Variants in TENM1 observed in about 807,000 individuals in gnomAD.
TENM1 encodes the protein teneurin-1.
Under a neutral mutation model 174.8 loss-of-function variants are expected in TENM1, and 35 were observed. That is an observed-to-expected ratio of 0.20 (90% CI 0.15 to 0.27). The LOEUF (loss-of-function observed/expected upper bound fraction) is 0.27, where lower values mean the gene tolerates loss of function less well. Among genes scored for constraint, TENM1 ranks in the 10% least tolerant of loss-of-function variants. The pLI is 1.00. For synonymous variants in TENM1, 781 were observed against 798.7 expected, an observed-to-expected ratio of 0.98 and a Z score of 0.37; for missense variants, 1,633 against 2,130.1, an observed-to-expected ratio of 0.77 and a Z score of 4.59.
At chrX:125,045,893 C>T in the TENM1 span, among the ~76,000 whole-genome samples, 1 of 111,537 alleles carries the variant, frequency 9.0e-6, no homozygotes, top group South Asian at 3.7e-4. Flanking sequence ...ATTAAAAGGC[C>T]CCCTACATAC....
intron 1 of TENM1, among the ~76,000 whole-genome samples, chrX:124,896,602 C>A (rs772498752): frequency 9.0e-6 from 1 of 111,714 alleles, no homozygotes; most frequent in Non-Finnish European, 1.9e-5. Flanking sequence ...TATATATGAT[C>A]TGCAGAGTGT....
intron 1 of TENM1, among the ~76,000 whole-genome samples, chrX:124,954,736 A>C (rs1218856345): frequency 9.0e-6 from 1 of 111,643 alleles, no homozygotes; most frequent in Non-Finnish European, 1.9e-5. Context: ...AATATATGCA[A>C]GCTCAGTTAG....
At position 124,471,344 on chromosome X, in the gene TENM1, A is replaced by G. The variant is rs1399605262; in HGVS notation, c.3949+10388T>C. On this transcript the variant is annotated intron_variant, in intron 22 of 31. Transcript: ENST00000422452. ...ATTATAATATATAGTACTATATATA[A>G]TATATATTATAATATATAGTACTAT... Among the ~76,000 whole-genome samples the G allele has an allele frequency of 4.3e-3, 39 of 9,169 alleles. 6 individuals are homozygous for G. Among genetic ancestry groups the G allele is most frequent in the African/African-American group, 0.014 (34 of 2,383 alleles). The allele number at this position is 9,169 out of a possible 115,157, so 8.0% of individuals were successfully genotyped here. A position where few individuals can be genotyped will look rare whatever the true frequency, so the allele number is the denominator to read the frequency against.
chrX:124,494,399 T>C (rs1411478966), intron 20 of TENM1, among the ~76,000 whole-genome samples: 2 of 111,730 alleles, frequency 1.8e-5, no homozygotes, highest in East Asian at 5.6e-4. Context: ...GGAATACAGC[T>C]GTCATAACTA....
At chrX:124,774,738 C>A (rs960723987) in intron 3 of TENM1, among the ~76,000 whole-genome samples, 1 of 111,641 alleles carries the variant, frequency 9.0e-6, no homozygotes, top group Admixed American at 9.5e-5. Flanking sequence ...TGTACTAATA[C>A]AGGCCATTCC....
chrX:124,936,424 C>A (rs1434851857), intron 1 of TENM1, among the ~76,000 whole-genome samples: 2 of 111,591 alleles, frequency 1.8e-5, no homozygotes, highest in Non-Finnish European at 3.8e-5. Flanking sequence ...TAAGTAGATC[C>A]CTAGCCTCAC....
chrX:124,779,593 A>G (rs1271345859), intron 3 of TENM1, among the ~76,000 whole-genome samples: 2 of 111,598 alleles, frequency 1.8e-5, no homozygotes, highest in Non-Finnish European at 3.8e-5. Context: ...ACTTTTACCC[A>G]TTATATACTT....
chrX:124,997,901 G>A, the TENM1 span, among the ~76,000 whole-genome samples: 1 of 110,194 alleles, frequency 9.1e-6, no homozygotes, highest in African/African-American at 3.3e-5. Flanking sequence ...ACCCTGGAAA[G>A]CCTTCATTTC....
At chrX:124,581,079 T>G (rs2049294343) in intron 11 of TENM1, among the ~76,000 whole-genome samples, 1 of 101,201 alleles carries the variant, frequency 9.9e-6, no homozygotes, top group Non-Finnish European at 2.0e-5. Flanking sequence ...TTTTTTTTTT[T>G]TTTGAGGTGG....
At chrX:124,657,417 C>G (rs1033660096) in intron 6 of TENM1, among the ~76,000 whole-genome samples, 2 of 110,207 alleles carry the variant, frequency 1.8e-5, no homozygotes, top group Non-Finnish European at 3.8e-5. Flanking sequence ...TAACTCAGTT[C>G]CAAAAGAAAA....
At chrX:124,588,450 C>A (rs1466986395) in intron 11 of TENM1, among the ~76,000 whole-genome samples, 8 of 109,866 alleles carry the variant, frequency 7.3e-5, no homozygotes, top group Non-Finnish European at 1.3e-4. Context: ...GACAAAAAAA[C>A]CAAACACTGC....
intron 3 of TENM1, among the ~76,000 whole-genome samples, chrX:124,801,873 G>A (rs1448808765): frequency 9.0e-6 from 1 of 111,471 alleles, no homozygotes; most frequent in East Asian, 2.8e-4. Flanking sequence ...ATGAAATTCT[G>A]GGTTGAAAAT....
chrX:124,669,253 T>TG (rs1291708197), intron 6 of TENM1, among the ~76,000 whole-genome samples: 1 of 111,549 alleles, frequency 9.0e-6, no homozygotes, highest in Non-Finnish European at 1.9e-5. Context: ...TACTTGAGGT[T>TG]GGAGAGATAA....
the TENM1 span, among the ~76,000 whole-genome samples, chrX:124,974,015 C>A: frequency 9.0e-6 from 1 of 111,503 alleles, no homozygotes; most frequent in Non-Finnish European, 1.9e-5. Flanking sequence ...TTGATGGGTG[C>A]CACCATGGCA....
the TENM1 span, among the ~76,000 whole-genome samples, chrX:125,058,871 T>A: frequency 7.2e-5 from 8 of 110,748 alleles, no homozygotes; most frequent in South Asian, 3.1e-3. Context: ...TTAAGAACTT[T>A]ATTTAGATAT....
intron 22 of TENM1, among the ~76,000 whole-genome samples, chrX:124,457,742 A>G (rs930492318): frequency 2.7e-5 from 3 of 111,832 alleles, no homozygotes; most frequent in African/African-American, 6.5e-5. Context: ...CAAATTAGAT[A>G]ACAGTGAAGA....
At chrX:124,725,533 C>T (rs1224785323) in intron 4 of TENM1, among the ~76,000 whole-genome samples, 3 of 112,103 alleles carry the variant, frequency 2.7e-5, no homozygotes, top group Non-Finnish European at 5.6e-5. Flanking sequence ...CCAAAGGGGA[C>T]AATTCTTTTT....
At chrX:124,391,638 T>A (rs1473674606) in intron 28 of TENM1, among the ~76,000 whole-genome samples, 3 of 111,657 alleles carry the variant, frequency 2.7e-5, no homozygotes, top group Admixed American at 9.5e-5. Context: ...TCACTGACTA[T>A]CCTAACAAAA....
intron 3 of TENM1, among the ~76,000 whole-genome samples, chrX:124,886,728 G>GTTT (rs74314491): frequency 1.3e-5 from 1 of 77,865 alleles, no homozygotes; most frequent in Non-Finnish European, 2.5e-5. Flanking sequence ...TGTAGTGAAG[G>GTTT]TTTTTTTTTT....
Sources: allele counts gnomAD v4.1 joint callset (sites outside exome capture counted in the v4.1 genomes callset), GRCh38; gene constraint gnomAD v4.1.1; transcripts MANE v1.5; gene names NCBI Gene and HGNC (gene_info 2026-07-23, HGNC 2026-07-21).